RGS22: variants seen among roughly 807,000 people sequenced by gnomAD.
RGS22 encodes regulator of G protein signaling 22.
In RGS22, 148 loss-of-function variants were observed where a neutral mutation model predicts 172.9. That is an observed-to-expected ratio of 0.86 (90% confidence interval 0.75 to 0.98). The LOEUF is 0.98. Among genes scored for constraint, RGS22 ranks in the 50% least tolerant of loss-of-function variants. The pLI, the probability that RGS22 is intolerant of heterozygous loss-of-function variation, is 0.00. For synonymous variants in RGS22, 458 were observed against 480.2 expected (o/e 0.95, Z 0.60); for missense variants, 1,347 against 1,440.8 (o/e 0.93, Z 1.05).
chr8:100,102,126 T>G (rs1217404552), intron 2 of RGS22, among the ~76,000 whole-genome samples: 1 of 152,220 alleles, frequency 6.6e-6, no homozygotes, highest in East Asian at 1.9e-4. Flanking sequence ...TCTTTCCTTC[T>G]ACACTTATGT....
chr8:100,062,523 C>A, intron 9 of RGS22, 68 bp downstream of exon 9: 2 of 1,064,546 alleles, frequency 1.9e-6, no homozygotes, highest in East Asian at 2.4e-5. Context: ...ATCCGTAAGA[C>A]AAAAAAAGTA....
intron 14 of RGS22, among the ~76,000 whole-genome samples, chr8:100,011,034 G>A (rs1816324913): frequency 6.6e-6 from 1 of 151,746 alleles, no homozygotes; most frequent in Non-Finnish European, 1.5e-5. Context: ...GACGGCCCAA[G>A]CAGAAGCAAA....
At chr8:100,099,726 A>G (rs550064347) in intron 2 of RGS22, among the ~76,000 whole-genome samples, 1 of 152,356 alleles carries the variant, frequency 6.6e-6, no homozygotes, top group East Asian at 1.9e-4. Context: ...ATAGAGATGA[A>G]AGAATTCCAA....
intron 23 of RGS22, among the ~76,000 whole-genome samples, chr8:99,976,506 C>T (rs1369354726): frequency 2.5e-4 from 38 of 152,108 alleles, no homozygotes; most frequent in Admixed American, 2.5e-3. Flanking sequence ...GGACTACAGG[C>T]ACCTGCCACC....
intron 4 of RGS22, among the ~76,000 whole-genome samples, chr8:100,077,816 C>A (rs1811461802): frequency 6.6e-6 from 1 of 152,266 alleles, no homozygotes; most frequent in East Asian, 1.9e-4. Flanking sequence ...GAGAGCAGTG[C>A]TTTAGTCTCC....
At chr8:100,090,856 T>C (rs2131980370) in intron 3 of RGS22, among the ~76,000 whole-genome samples, 1 of 152,248 alleles carries the variant, frequency 6.6e-6, no homozygotes, top group South Asian at 2.1e-4. Flanking sequence ...AAGAGCCAGA[T>C]CATATAGGAT....
At chr8:99,972,170 A>G (rs891313845) in intron 23 of RGS22, among the ~76,000 whole-genome samples, 7 of 152,202 alleles carry the variant, frequency 4.6e-5, no homozygotes, top group Admixed American at 2.0e-4. Context: ...TATTTAATAA[A>G]TGGTGTTGGG....
At chr8:100,047,407 C>A (rs1392982878) in intron 11 of RGS22, 56 bp downstream of exon 11, 10 of 1,472,356 alleles carry the variant, frequency 6.8e-6, no homozygotes, top group Admixed American at 2.4e-5. Flanking sequence ...TTTTTAAATT[C>A]TCTAAAACGC....
At chr8:100,093,610 C>A (rs1025901817) in intron 2 of RGS22, 101 bp from the exon 3 acceptor site, 30 of 762,730 alleles carry the variant, frequency 3.9e-5, no homozygotes, top group Non-Finnish European at 6.3e-5. Context: ...TCACATAGAT[C>A]TTCAAATCTC....
At chr8:100,105,323 C>T in intron 2 of RGS22, 51 bp downstream of exon 2, 1 of 1,390,746 alleles carries the variant, frequency 7.2e-7, no homozygotes, top group Middle Eastern at 1.8e-4. Flanking sequence ...CTAATATTTG[C>T]TATTTTTTTA....
At chr8:100,017,476 T>C (rs1475703285) in intron 14 of RGS22, among the ~76,000 whole-genome samples, 1 of 152,200 alleles carries the variant, frequency 6.6e-6, no homozygotes. Context: ...ATTCAGTTTG[T>C]CAATCCTTTA....
intron 14 of RGS22, among the ~76,000 whole-genome samples, chr8:100,035,004 C>T (rs1253228680): frequency 2.0e-5 from 3 of 152,124 alleles, no homozygotes; most frequent in African/African-American, 7.2e-5. Context: ...CAGAAAAACC[C>T]TAGAAGAAAA....
chr8:99,987,778 T>A (rs953081436), intron 20 of RGS22, among the ~76,000 whole-genome samples, 159 bp from the exon 21 acceptor site: 1 of 152,152 alleles, frequency 6.6e-6, no homozygotes, highest in Non-Finnish European at 1.5e-5. Flanking sequence ...TCCTTTATAT[T>A]TTTATGGCTT....
At chr8:99,980,423 C>T (rs899538195) in intron 22 of RGS22, among the ~76,000 whole-genome samples, 5 of 151,818 alleles carry the variant, frequency 3.3e-5, no homozygotes, top group Middle Eastern at 3.2e-3. Context: ...TGACAGATAA[C>T]GAGGAGACAA....
chr8:100,069,745 T>G (rs1370746564), intron 6 of RGS22, among the ~76,000 whole-genome samples: 1 of 152,186 alleles, frequency 6.6e-6, no homozygotes, highest in Non-Finnish European at 1.5e-5. Context: ...TTCTTCAACC[T>G]TGCCTTTGTC....
intron 11 of RGS22, among the ~76,000 whole-genome samples, chr8:100,045,441 C>T (rs2131629440): frequency 6.6e-6 from 1 of 152,058 alleles, no homozygotes; most frequent in African/African-American, 2.4e-5. Context: ...CTGAGAATAA[C>T]AAATACACAG....
intron 19 of RGS22, among the ~76,000 whole-genome samples, chr8:99,997,121 T>C (rs777313068): frequency 2.0e-5 from 3 of 152,196 alleles, no homozygotes; most frequent in Admixed American, 6.5e-5. Context: ...GCTGGGTTCC[T>C]AGGGCTGTCC....
chr8:100,015,968 G>A (rs910021993), intron 14 of RGS22, among the ~76,000 whole-genome samples: 7 of 152,170 alleles, frequency 4.6e-5, no homozygotes, highest in African/African-American at 1.7e-4. Context: ...TAAGCCTACT[G>A]TCTTGGCATA....
At chr8:100,082,213 ATTTT>A (rs1326409253) in intron 3 of RGS22, among the ~76,000 whole-genome samples, 1 of 151,720 alleles carries the variant, frequency 6.6e-6, no homozygotes, top group Non-Finnish European at 1.5e-5. Flanking sequence ...TGGACACTTT[ATTTT>A]TTTTCTTTCC....
Sources: gnomAD v4.1 joint callset for allele counts (sites outside exome capture counted in the v4.1 genomes callset) on GRCh38, gnomAD v4.1.1 for gene constraint, MANE v1.5 for transcripts, NCBI Gene and HGNC (gene_info 2026-07-23, HGNC 2026-07-21) for gene names.